The following NRF1 variants were observed in gnomAD, a reference collection of about 807,000 sequenced individuals.
NRF1 encodes the protein alpha palindromic-binding protein.
NRF1 carries 5 observed loss-of-function variants against 58.5 expected under a neutral mutation model. The ratio of observed to expected loss-of-function variants is 0.09; its 90% CI spans 0.04 to 0.18. The LOEUF (loss-of-function observed/expected upper bound fraction) is 0.18, where lower values mean the gene tolerates loss of function less well. Ranked by LOEUF, NRF1 falls within the 10% of genes least tolerant of loss-of-function variation. The pLI is 1.00. For missense variants in NRF1, 288 were observed against 657.7 expected, an observed-to-expected ratio of 0.44 and a Z score of 6.15; for synonymous variants, 224 against 246.7, an observed-to-expected ratio of 0.91 and a Z score of 0.86.
At chr7:129,624,842 T>C (rs1800878889) in intron 1 of NRF1, among the ~76,000 whole-genome samples, 1 of 152,158 alleles carries the variant, frequency 6.6e-6, no homozygotes, top group Non-Finnish European at 1.5e-5. Context: ...AAAGCAAGTA[T>C]AGTTTTCATT....
chr7:129,723,663 G>A (rs1357443940), intron 9 of NRF1, among the ~76,000 whole-genome samples: 2 of 152,176 alleles, frequency 1.3e-5, no homozygotes, highest in Non-Finnish European at 2.9e-5. Flanking sequence ...CTGTTGAAAA[G>A]ACAGTCCTTT....
chr7:129,733,055 A>G (rs1185399782), intron 10 of NRF1, among the ~76,000 whole-genome samples: 1 of 1,364 alleles, frequency 7.3e-4, no homozygotes, highest in East Asian at 0.12. Context: ...TGGGCAACAA[A>G]GCGAGACTGT....
At chr7:129,711,402 GT>G in intron 7 of NRF1, 72 bp from the exon 8 acceptor site, 1 of 1,115,948 alleles carries the variant, frequency 9.0e-7, no homozygotes. Flanking sequence ...GATTAAATGA[GT>G]CTCAGCTTCT....
At position 129,755,004 on chromosome 7, in the gene NRF1, C is replaced by A; in HGVS notation, c.1349-14C>A. ...GCCTGAGCCCCACCAACGGTCTTCT[C>A]TTTGTCTCTCCAGGCCTGGTCCAGA... On this transcript the variant is annotated splice_polypyrimidine_tract_variant and intron_variant, in intron 10 of 10. Transcript: ENST00000393232. The surrounding 1 kb of genome is among the most constrained non-coding windows in gnomAD (Gnocchi z 5.8). 2 of 1,573,398 alleles carry A rather than the reference C, an allele frequency of 1.3e-6. No homozygotes were observed. The highest frequency in any genetic ancestry group is 1.2e-5 in the South Asian group (1 of 85,108).
chr7:129,645,473 A>G, intron 1 of NRF1, among the ~76,000 whole-genome samples: 1 of 152,118 alleles, frequency 6.6e-6, no homozygotes, highest in East Asian at 1.9e-4. Flanking sequence ...GTAACTCTAA[A>G]TCGCTCTTTC....
intron 10 of NRF1, among the ~76,000 whole-genome samples, chr7:129,754,016 A>C (rs1804186093): frequency 6.6e-6 from 1 of 152,072 alleles, no homozygotes; most frequent in South Asian, 2.1e-4. Context: ...TGAGAGGGAG[A>C]AGACAGGCCG....
intron 10 of NRF1, among the ~76,000 whole-genome samples, chr7:129,737,787 G>A (rs898925019): frequency 6.6e-6 from 1 of 152,224 alleles, no homozygotes; most frequent in African/African-American, 2.4e-5. Flanking sequence ...TAGTGTAAGA[G>A]TGCGTTTTCA....
At chr7:129,640,594 TAAGC>T (rs1416369150) in intron 1 of NRF1, among the ~76,000 whole-genome samples, 2 of 152,156 alleles carry the variant, frequency 1.3e-5, no homozygotes, top group Non-Finnish European at 2.9e-5. Context: ...GCTTAATTAT[TAAGC>T]TATTAATACA....
chr7:129,691,909 G>A (rs73470484), intron 5 of NRF1, among the ~76,000 whole-genome samples: 4,671 of 152,054 alleles, frequency 0.031, 241 homozygotes, highest in African/African-American at 0.1. Flanking sequence ...TACCCTCACT[G>A]TTAGATGTCT....
At chr7:129,703,412 C>T (rs1436381651) in intron 5 of NRF1, among the ~76,000 whole-genome samples, 3 of 152,216 alleles carry the variant, frequency 2.0e-5, no homozygotes, top group Non-Finnish European at 2.9e-5. Flanking sequence ...TTCCAGAACT[C>T]TCCAGGACCA....
chr7:129,736,030 T>TA (rs1562988481), intron 10 of NRF1, among the ~76,000 whole-genome samples: 1 of 151,782 alleles, frequency 6.6e-6, no homozygotes, highest in South Asian at 2.1e-4. Context: ...AAATACAAAA[T>TA]AAAAAAATAA....
chr7:129,742,297 A>AC (rs1179539747), intron 10 of NRF1, among the ~76,000 whole-genome samples: 2 of 151,872 alleles, frequency 1.3e-5, no homozygotes, highest in Non-Finnish European at 2.9e-5. Context: ...AAAAAACAAA[A>AC]AACTTTGCCA....
At chr7:129,742,508 G>T (rs1803872705) in intron 10 of NRF1, among the ~76,000 whole-genome samples, 1 of 152,140 alleles carries the variant, frequency 6.6e-6, no homozygotes. Flanking sequence ...ACACTGCATT[G>T]CTCTCACATG....
chr7:129,671,515 C>A lies in NRF1; in HGVS notation c.310C>A (p.Arg104=). 1.2e-6 allele frequency: 2 copies of A among 1,611,426 alleles called. No homozygotes were observed. The highest frequency in any genetic ancestry group is 1.7e-6 in the Non-Finnish European group (2 of 1,177,532). The change falls in exon 3 of 11, where the codon CGG becomes AGG. Residue 104 remains arginine (R), a synonymous_variant. Transcript: ENST00000393232. ...TGTATTTGAGTCTAATCCATCTATC[C>A]GGAAGAGGCAACAAACACGTTTGCT... ...PHVFESNPSI[R]KRQQTRLLRK... is the part of the protein sequence containing the mutation.
intron 10 of NRF1, among the ~76,000 whole-genome samples, chr7:129,750,026 C>G (rs1330677771): frequency 6.6e-6 from 1 of 152,038 alleles, no homozygotes; most frequent in Non-Finnish European, 1.5e-5. Flanking sequence ...GCCCTGTGGA[C>G]TTCTCTAGGG....
chr7:129,640,795 G>C (rs1801272340), intron 1 of NRF1, among the ~76,000 whole-genome samples: 1 of 152,000 alleles, frequency 6.6e-6, no homozygotes, highest in Non-Finnish European at 1.5e-5. Flanking sequence ...GGTCTTTCTT[G>C]GTCACAATTT....
intron 1 of NRF1, among the ~76,000 whole-genome samples, chr7:129,635,631 G>C (rs1011384667): frequency 1.3e-5 from 2 of 152,100 alleles, no homozygotes; most frequent in South Asian, 2.1e-4. Flanking sequence ...CTTTTGGACC[G>C]CAGGGTTCAG....
At chr7:129,620,317 C>T (rs1289075392) in intron 1 of NRF1, among the ~76,000 whole-genome samples, 3 of 151,638 alleles carry the variant, frequency 2.0e-5, no homozygotes, top group African/African-American at 4.8e-5. Flanking sequence ...TACTCTAGGA[C>T]TGACACTTAG....
intron 3 of NRF1, among the ~76,000 whole-genome samples, chr7:129,677,403 C>G (rs1224945519): frequency 2.0e-5 from 3 of 152,148 alleles, no homozygotes; most frequent in Admixed American, 2.0e-4. Flanking sequence ...TGTGTCATGG[C>G]TATGTCCCAA....
Sources: allele counts gnomAD v4.1 joint callset (sites outside exome capture counted in the v4.1 genomes callset), GRCh38; gene constraint gnomAD v4.1.1; non-coding constraint Gnocchi (gnomAD v3.1); transcripts MANE v1.5; gene names NCBI Gene and HGNC (gene_info 2026-07-23, HGNC 2026-07-21).